Variants in LARP7 observed in about 807,000 individuals in gnomAD.
The protein encoded by LARP7 is la-related protein 7.
A neutral mutation model predicts 69.3 loss-of-function variants in LARP7; 52 were observed. The ratio of observed to expected loss-of-function variants is 0.75; its 90% CI spans 0.60 to 0.95. LARP7 has a LOEUF of 0.95. Ranked by LOEUF, LARP7 falls within the 40% of genes least tolerant of loss-of-function variation. The pLI, the probability that LARP7 is intolerant of heterozygous loss-of-function variation, is 0.00. For missense variants in LARP7, 733 were observed against 673.0 expected, an observed-to-expected ratio of 1.09 and a Z score of -0.99; for synonymous variants, 254 against 215.9, an observed-to-expected ratio of 1.18 and a Z score of -1.55.
chr4:112,647,670 GCTT>G lies in LARP7; in HGVS notation c.998-19_998-17del. On this transcript the variant is annotated splice_polypyrimidine_tract_variant and intron_variant, in intron 7 of 12. Transcript: ENST00000344442. ...TCACAGCCCCATGTCTTAACGGAGA[GCTT>G]TTTTATTTATTTCAAGATATAGAAA... 4 of 1,506,366 alleles carry G rather than the reference GCTT, an allele frequency of 2.7e-6. No individual in the cohort carries two copies. Among genetic ancestry groups the G allele is most frequent in the Non-Finnish European group, 3.5e-6 (4 of 1,131,794 alleles). The allele number at this position is 1,506,366 out of a possible 1,614,324, so 93.3% of individuals were successfully genotyped here.
chr4:112,646,002 T>G (rs960044017), intron 2 of LARP7, among the ~76,000 whole-genome samples: 8 of 135,126 alleles, frequency 5.9e-5, no homozygotes, highest in East Asian at 2.9e-4. Flanking sequence ...ACAGTTTTTT[T>G]TTGTTTGTTT....
At chr4:112,653,422 G>A (rs1288143596) in intron 11 of LARP7, among the ~76,000 whole-genome samples, 186 bp downstream of exon 11, 1 of 151,994 alleles carries the variant, frequency 6.6e-6, no homozygotes, top group Non-Finnish European at 1.5e-5. Context: ...CAATTCTCCT[G>A]CCTCAGCCTC....
In LARP7 at chr4:112,647,405, T is replaced by G. The variant is rs2048353407; in HGVS notation, c.853T>G (p.Ser285Ala). ...GAAAAAACGGGACAGAGTTGAAGCA[T>G]CTAGCTTACCTGAAGTCAGAACAGG... The part of the protein sequence containing the change: ...KKKKRDRVEA[S>A]SLPEVRTGKR... Residue 285 changes from serine to alanine, a missense_variant, in exon 7 of 13, where the codon TCT (serine) becomes GCT (alanine). By Grantham distance (99) the Ser-to-Ala change is moderately conservative (BLOSUM62 1). Transcript: ENST00000344442. The G allele has an allele frequency of 6.2e-7, 1 of 1,613,870 alleles. No individual in the cohort carries two copies. The highest frequency in any genetic ancestry group is 1.1e-5 in the South Asian group (1 of 91,070).
At chr4:112,648,924 TA>T (rs1032841876) in intron 8 of LARP7, among the ~76,000 whole-genome samples, 223 of 139,898 alleles carry the variant, frequency 1.6e-3, no homozygotes, top group African/African-American at 2.3e-3. Flanking sequence ...ATCTTCCTCT[TA>T]AAAAAAAAAA....
rs2048823223 is a variant in LARP7, at chr4:112,653,229, CCTT to C, written c.1570_1572del (p.Leu524del). ...AGAAACACTGCTGGAAACTCGAGAT[CCTT>C]TCTGGTAAAACTTCATAGACGTTTC... On this transcript the variant is annotated inframe_deletion, in exon 11 of 13. Transcript: ENST00000344442. 6.3e-7 allele frequency: 1 copy of C among 1,577,422 alleles called. No individual in the cohort carries two copies. Among genetic ancestry groups the C allele is most frequent in the African/African-American group, 1.4e-5 (1 of 72,160 alleles).
Position 112,647,344 on chromosome 4 carries a change from G to C in LARP7, c.792G>C (p.Glu264Asp), listed in dbSNP as rs1309409695. The C allele has an allele frequency of 6.2e-7, 1 of 1,614,060 alleles. No homozygotes were observed. The highest frequency in any genetic ancestry group is 1.7e-5 in the Admixed American group (1 of 60,022). The change falls in exon 7 of 13, where the codon GAG becomes GAC. Residue 264 changes from glutamate to aspartate, a missense_variant. Physicochemically the swap from Glu to Asp is conservative, Grantham distance 45 (BLOSUM62 2). Transcript: ENST00000344442. ...SRPTSEGSDIESTEPQKQCSK... is the reference protein window; with the variant it reads ...SRPTSEGSDIDSTEPQKQCSK... ...CCACATCTGAGGGCTCTGACATTGA[G>C]TCCACTGAACCCCAAAAGCAGTGCT...
chr4:112,648,224 A>G (rs1320148805), intron 8 of LARP7: 2 of 533,138 alleles, frequency 3.8e-6, no homozygotes, highest in Non-Finnish European at 7.7e-6. Flanking sequence ...TTAGTTTCAA[A>G]GCAAGTACAT....
At chr4:112,641,914 T>C (rs2047979824) in intron 1 of LARP7, among the ~76,000 whole-genome samples, 1 of 152,088 alleles carries the variant, frequency 6.6e-6, no homozygotes, top group Non-Finnish European at 1.5e-5. Flanking sequence ...GCCAATGAGC[T>C]TAAAGCCAGG....
rs1169156956 is a variant in LARP7 at position 112,653,227 on chromosome 4, A to T, written c.1567A>T (p.Ile523Phe). Residue 523 changes from isoleucine (I) to phenylalanine (F), a missense_variant, in exon 11 of 13, where the codon ATC (isoleucine) becomes TTC (phenylalanine). Coordinates refer to ENST00000344442, the MANE Select transcript of LARP7 (RefSeq NM_016648.4). ...CAAGAAACACTGCTGGAAACTCGAG[A>T]TCCTTTCTGGTAAAACTTCATAGAC... is the stretch of plus-strand genomic sequence containing the variant. ...INKKHCWKLE[I>F]LSGDHEQRYW... 6.3e-7 allele frequency: 1 copy of T among 1,578,132 alleles called. No individual in the cohort carries two copies. The highest frequency in any genetic ancestry group is 8.6e-7 in the Non-Finnish European group (1 of 1,168,174).
chr4:112,646,257 A>C (rs2048226677), intron 2 of LARP7, 94 bp from the exon 3 acceptor site: 1 of 619,746 alleles, frequency 1.6e-6, no homozygotes, highest in Non-Finnish European at 2.8e-6. Context: ...GGCATGAGCC[A>C]CCGAGCCTGA....
At chr4:112,644,484 A>T in intron 1 of LARP7, 184 bp from the exon 2 acceptor site, 1 of 1,188,902 alleles carries the variant, frequency 8.4e-7, no homozygotes, top group Non-Finnish European at 1.1e-6. Flanking sequence ...TCCCTAACAT[A>T]GAAGGTAAAT....
At chr4:112,651,872 C>T (rs924625959) in intron 10 of LARP7, among the ~76,000 whole-genome samples, 13 of 152,082 alleles carry the variant, frequency 8.5e-5, no homozygotes, top group Non-Finnish European at 1.9e-4. Context: ...TTATAAAACT[C>T]ATTACTACTA....
At chr4:112,644,352 C>G in intron 1 of LARP7, 2 of 431,920 alleles carry the variant, frequency 4.6e-6, no homozygotes, top group Non-Finnish European at 7.4e-6. Context: ...GTCCCTTAAT[C>G]TTACACTTTT....
chr4:112,645,341 TAAAG>T (rs2048139611), intron 2 of LARP7, among the ~76,000 whole-genome samples: 1 of 152,208 alleles, frequency 6.6e-6, no homozygotes, highest in Non-Finnish European at 1.5e-5. Flanking sequence ...ATCTTCTAAA[TAAAG>T]ACTGTTGGTA....
chr4:112,647,304 TGAAAA>T lies in LARP7; in HGVS notation c.755_759del (p.Lys252IlefsTer6), dbSNP rs1380975753. ...ACAAGCAACACCAGCATCAGTAAAA[TGAAAA>T]GATCCAGACCCACATCTGAGGGCTC... On this transcript the variant is annotated frameshift_variant, in exon 7 of 13. Transcript: ENST00000344442. LOFTEE classifies it high-confidence loss of function. 2.5e-6 allele frequency: 4 copies of T among 1,613,606 alleles called. No individual in the cohort carries two copies. The highest frequency in any genetic ancestry group is 2.5e-6 in the Non-Finnish European group (3 of 1,179,910).
At position 112,647,448 on chromosome 4, in the gene LARP7, G is replaced by T. The variant is rs775781419; in HGVS notation, c.896G>T (p.Ser299Ile). 6.8e-6 allele frequency: 11 copies of T among 1,614,120 alleles called. No homozygotes were observed. Among genetic ancestry groups the T allele is most frequent in the Non-Finnish European group, 9.3e-6 (11 of 1,180,000 alleles). Residue 299 changes from serine to isoleucine, a missense_variant, in exon 7 of 13, where the codon AGC (serine) becomes ATC (isoleucine). Physicochemically the swap from Ser to Ile is moderately radical, Grantham distance 142. Transcript: ENST00000344442. The stretch of plus-strand genomic sequence containing the variant: ...AGAACAGGGAAGAGGAAGAGAAGCA[G>T]CTCTGAAGATGCAGAATCCCTAGCT... ...EVRTGKRKRS[S>I]SEDAESLAPR...
intron 11 of LARP7, among the ~76,000 whole-genome samples, chr4:112,653,747 C>G (rs750018045): frequency 3.3e-5 from 5 of 152,124 alleles, no homozygotes; most frequent in East Asian, 1.9e-4. Flanking sequence ...CCTTGGCCCC[C>G]CAAAGTGCTG....
In LARP7 at chr4:112,642,058, G is replaced by T. The variant is rs116327518; in HGVS notation, c.-2-2610G>T. On this transcript the variant is annotated intron_variant, in intron 1 of 12. Coordinates refer to ENST00000344442, the MANE Select transcript of LARP7 (RefSeq NM_016648.4). ...ATTGAGAAACTGAGATTGCAAAAGG[G>T]AATTGAAAAGGAAGAAGACTCGTTT... is the stretch of plus-strand genomic sequence containing the variant. Among the ~76,000 whole-genome samples the T allele has an allele frequency of 4.9e-3, 745 of 152,282 alleles. 1 individual carries two copies. The highest frequency in any genetic ancestry group is 8.2e-3 in the Non-Finnish European group (556 of 68,020).
At chr4:112,657,145 T>C in intron 12 of LARP7, 102 bp from the exon 13 acceptor site, 1 of 488,408 alleles carries the variant, frequency 2.0e-6, no homozygotes, top group Non-Finnish European at 3.5e-6. Flanking sequence ...AGCTGATAGC[T>C]GTGAAATTTT....
Sources: allele counts gnomAD v4.1 joint callset (sites outside exome capture counted in the v4.1 genomes callset), GRCh38; gene constraint gnomAD v4.1.1; transcripts MANE v1.5; gene names NCBI Gene and HGNC (gene_info 2026-07-23, HGNC 2026-07-21).